The following CCNY variants were observed in gnomAD, a reference collection of about 807,000 sequenced individuals.
The protein encoded by CCNY is cyclin-Y.
In CCNY, 19 loss-of-function variants were observed where a neutral mutation model predicts 42.8. That is an observed-to-expected ratio of 0.44 (90% CI 0.31 to 0.65). The LOEUF (loss-of-function observed/expected upper bound fraction) is 0.65, where lower values mean the gene tolerates loss of function less well. Ranked by LOEUF, CCNY falls within the 30% of genes least tolerant of loss-of-function variation. The pLI is 0.07. For synonymous variants in CCNY, 165 were observed against 162.7 expected (o/e 1.01, Z -0.11); for missense variants, 370 against 437.3 (o/e 0.85, Z 1.37).
intron 3 of CCNY, among the ~76,000 whole-genome samples, chr10:35,263,398 G>C (rs1474388280): frequency 1.3e-5 from 2 of 149,046 alleles, no homozygotes; most frequent in East Asian, 3.9e-4. Context: ...AAAATTAGCT[G>C]AGTGTGGTGG....
At chr10:35,430,835 G>C (rs953993129) in intron 1 of CCNY, among the ~76,000 whole-genome samples, 24 of 152,096 alleles carry the variant, frequency 1.6e-4, no homozygotes, top group African/African-American at 5.8e-4. Flanking sequence ...ATACGGCTTG[G>C]CGTGGTGGCT....
rs773639536 is a variant in CCNY at position 35,337,143 on chromosome 10, G to T, written c.90G>T (p.Thr30=). ...GGCTGGAGTCCTACCGGCCAGACACGGACCTGAGCCGCGAGGACACGGGCT... is the reference window on the plus strand; with the variant it reads ...GGCTGGAGTCCTACCGGCCAGACACTGACCTGAGCCGCGAGGACACGGGCT... The part of the protein sequence containing the change: ...HSRLESYRPD[T]DLSREDTGCN... The change falls in exon 1 of 10, where the codon ACG becomes ACT. Residue 30 remains threonine, a synonymous_variant. Transcript: ENST00000374704. 3 of 1,586,418 alleles carry T rather than the reference G, an allele frequency of 1.9e-6. No homozygotes were observed. Among genetic ancestry groups the T allele is most frequent in the South Asian group, 1.2e-5 (1 of 86,734 alleles).
intron 1 of CCNY, among the ~76,000 whole-genome samples, chr10:35,340,879 A>T (rs922840713): frequency 2.6e-5 from 4 of 152,030 alleles, no homozygotes; most frequent in Non-Finnish European, 5.9e-5. Flanking sequence ...CATATCTGGT[A>T]GGAAAATGTG....
intron 3 of CCNY, among the ~76,000 whole-genome samples, chr10:35,255,073 GACTGTTCTATGTATATA>G (rs1474706491): frequency 3.3e-5 from 5 of 151,878 alleles, no homozygotes; most frequent in Non-Finnish European, 4.4e-5. Context: ...TTGCTGGGTA[GACTGTTCTATGTATATA>G]ACTGTTCTAT....
At chr10:35,396,057 C>G (rs115478904) in intron 1 of CCNY, among the ~76,000 whole-genome samples, 1 of 152,076 alleles carries the variant, frequency 6.6e-6, no homozygotes, top group Admixed American at 6.5e-5. Flanking sequence ...TGGTGGGCTC[C>G]AGAGGGCTGG....
In CCNY at chr10:35,354,968, T is replaced by C. The variant is rs147663335; in HGVS notation, c.154+17761T>C. ...ATAGCTATTTTTCTTTGTCTACACA[T>C]GGTGGAAAATGGCCACCCCAGTGGT... is the stretch of plus-strand genomic sequence containing the variant. On this transcript the variant is annotated intron_variant, in intron 1 of 9. Transcript: ENST00000374704. 2.7e-3 allele frequency among the ~76,000 whole-genome samples: 406 copies of C among 152,328 alleles called. 3 individuals are homozygous for C. Among genetic ancestry groups the C allele is most frequent in the Middle Eastern group, 0.01 (3 of 294 alleles).
chr10:35,507,235 A>T (rs997169313), intron 3 of CCNY, among the ~76,000 whole-genome samples: 2 of 152,206 alleles, frequency 1.3e-5, no homozygotes, highest in African/African-American at 4.8e-5. Context: ...GCCTTGTGTT[A>T]TAATCTGTTC....
intron 1 of CCNY, among the ~76,000 whole-genome samples, chr10:35,444,407 C>G (rs1048265762): frequency 1.3e-5 from 2 of 152,066 alleles, no homozygotes; most frequent in Non-Finnish European, 2.9e-5. Context: ...GCCATCACGC[C>G]CAGCTAATTT....
Position 35,254,276 on chromosome 10 carries a change from A to G in CCNY, c.-9+3650A>G, listed in dbSNP as rs12256997. ...TCTGAAATTAAATATGATTTAATTA[A>G]TTCACCATCAGTAAATGTGTTTGCT... is the stretch of plus-strand genomic sequence containing the variant. On this transcript the variant is annotated intron_variant, in intron 3 of 11. Coordinates refer to the CCNY transcript ENST00000374706. 9.4e-3 allele frequency among the ~76,000 whole-genome samples: 1,432 copies of G among 152,306 alleles called. 29 individuals are homozygous for G. The highest frequency in any genetic ancestry group is 0.033 in the African/African-American group (1,355 of 41,558).
intron 2 of CCNY, among the ~76,000 whole-genome samples, chr10:35,490,974 CA>C (rs1231802466): frequency 1.3e-5 from 2 of 152,176 alleles, no homozygotes; most frequent in Non-Finnish European, 2.9e-5. Context: ...TTACTTGTGA[CA>C]GACCATTTCA....
At chr10:35,553,329 C>A in intron 8 of CCNY, 144 bp downstream of exon 8, 1 of 728,454 alleles carries the variant, frequency 1.4e-6, no homozygotes, top group South Asian at 2.9e-5. Context: ...ACAACAGGGG[C>A]ATGGCTGTGG....
intron 1 of CCNY, among the ~76,000 whole-genome samples, chr10:35,452,621 G>T (rs904675721): frequency 2.0e-4 from 30 of 152,078 alleles, no homozygotes; most frequent in African/African-American, 6.3e-4. Flanking sequence ...CACCATTTCA[G>T]AATAAAATTC....
intron 1 of CCNY, among the ~76,000 whole-genome samples, chr10:35,456,795 G>GA (rs1201323360): frequency 2.0e-5 from 3 of 152,176 alleles, no homozygotes; most frequent in Non-Finnish European, 4.4e-5. Context: ...TATCAGGTCT[G>GA]AAAGGAAAAT....
chr10:35,564,918 C>T (rs1229270338), intron 8 of CCNY, among the ~76,000 whole-genome samples: 1 of 152,168 alleles, frequency 6.6e-6, no homozygotes, highest in African/African-American at 2.4e-5. Flanking sequence ...AGGCTGAGTT[C>T]AGCAGCCACA....
intron 1 of CCNY, among the ~76,000 whole-genome samples, chr10:35,409,858 A>T (rs116614220): frequency 0.011 from 1,610 of 152,138 alleles, 28 homozygotes; most frequent in East Asian, 0.056. Flanking sequence ...AGGCTCAAGC[A>T]GTCCTCCCAC....
chr10:35,568,992 C>A, intron 9 of CCNY, 62 bp from the exon 10 acceptor site: 3 of 1,108,738 alleles, frequency 2.7e-6, no homozygotes, highest in Admixed American at 1.7e-5. Context: ...GCGCCCAGGA[C>A]GAGTGAGCAA....
chr10:35,368,357 T>C (rs1836854703), intron 1 of CCNY, among the ~76,000 whole-genome samples: 1 of 152,244 alleles, frequency 6.6e-6, no homozygotes, highest in South Asian at 2.1e-4. Flanking sequence ...TCATAATCTT[T>C]TTCTAATTTG....
intron 1 of CCNY, among the ~76,000 whole-genome samples, chr10:35,368,856 C>T (rs776765379): frequency 2.0e-5 from 3 of 151,738 alleles, no homozygotes; most frequent in African/African-American, 4.8e-5. Context: ...AACCGGTGCT[C>T]GGAGGTACCA....
chr10:35,303,972 C>T (rs1050384413), intron 3 of CCNY, among the ~76,000 whole-genome samples: 4 of 152,134 alleles, frequency 2.6e-5, no homozygotes, highest in African/African-American at 9.7e-5. Flanking sequence ...TTTATCCACC[C>T]ATCACAGTCA....
Sources: allele counts gnomAD v4.1 joint callset (sites outside exome capture counted in the v4.1 genomes callset), GRCh38; gene constraint gnomAD v4.1.1; transcripts MANE v1.5; gene names NCBI Gene and HGNC (gene_info 2026-07-23, HGNC 2026-07-21).